FAM120C: variants seen among roughly 807,000 people sequenced by gnomAD.
The protein encoded by FAM120C is constitutive coactivator of PPAR-gamma-like protein 2.
A neutral mutation model predicts 71.2 loss-of-function variants in FAM120C; 14 were observed. That is an observed-to-expected ratio of 0.20 (90% confidence interval 0.13 to 0.31). FAM120C has a LOEUF of 0.31. Ranked by LOEUF, FAM120C falls within the 10% of genes least tolerant of loss-of-function variation. The probability of loss-of-function intolerance (pLI) is 1.00; values close to 1 mark genes in which losing one functional copy is unlikely to be tolerated. For missense variants in FAM120C, 500 were observed against 879.0 expected (o/e 0.57, Z 5.45); for synonymous variants, 354 against 353.2 (o/e 1.00, Z -0.03).
At chrX:54,088,807 G>C (rs2066808997) in intron 11 of FAM120C, among the ~76,000 whole-genome samples, 1 of 109,865 alleles carries the variant, frequency 9.1e-6, no homozygotes, top group African/African-American at 3.3e-5. Context: ...CCAGTATTTT[G>C]GGAGGCTGAG....
chrX:54,113,489 A>G (rs1307221317), intron 10 of FAM120C, among the ~76,000 whole-genome samples: 1 of 111,046 alleles, frequency 9.0e-6, no homozygotes, highest in Non-Finnish European at 1.9e-5. Flanking sequence ...CAAATGCAAC[A>G]AAAACAAAAA....
In FAM120C at chrX:54,183,057, C is replaced by T. The variant is rs1019185220; in HGVS notation, c.142G>A (p.Ala48Thr). The change falls in exon 1 of 16, where the codon GCC (alanine) becomes ACC (threonine). Residue 48 changes from alanine to threonine, a missense_variant. By Grantham distance (58) the Ala-to-Thr change is moderately conservative. Around this residue, in one of 11 missense-constraint regions of FAM120C, gnomAD observed 79 missense variants for 78.3 expected, o/e 1.01. Coordinates refer to ENST00000375180, the MANE Select transcript of FAM120C (RefSeq NM_017848.6). ...HLHRQLPPTA[A>T]LAPGAPRAAR... ...GCGCGTGGAGCCCCGGGCGCTAGGGCTGCAGTCGGCGGCAGCTGGCGGTGC... is the reference window on the plus strand; with the variant it reads ...GCGCGTGGAGCCCCGGGCGCTAGGGTTGCAGTCGGCGGCAGCTGGCGGTGC... 18 of 1,156,227 alleles carry T rather than the reference C, an allele frequency of 1.6e-5. No homozygotes were observed. The African/African-American group carries it at 2.0e-4, about 13-fold the overall frequency.
chrX:54,144,930 A>G (rs1206374536), intron 4 of FAM120C, among the ~76,000 whole-genome samples: 1 of 111,987 alleles, frequency 8.9e-6, no homozygotes, highest in South Asian at 3.7e-4. Flanking sequence ...ACAAGGCTAC[A>G]GTAACCAAAA....
Position 54,071,612 on chromosome X carries a change from C to A in FAM120C, c.*1421G>T, listed in dbSNP as rs948626943. 1.8e-5 allele frequency: 2 copies of A among 111,949 alleles called. No homozygotes were observed. Among genetic ancestry groups the A allele is most frequent in the Non-Finnish European group, 3.8e-5 (2 of 53,154 alleles). 9.2% of individuals were successfully genotyped at this position (111,949 alleles called of 1,213,427 possible). A position where few individuals can be genotyped will look rare whatever the true frequency, so the allele number is the denominator to read the frequency against. ...CTTTCAAATGGTAGTCACCTCCCAT[C>A]CCCCCTTTTCTCTCCAAACCTTCAT... On this transcript the variant is annotated 3_prime_UTR_variant, in exon 16 of 16. Coordinates refer to ENST00000375180, the MANE Select transcript of FAM120C (RefSeq NM_017848.6).
chrX:54,110,011 C>CTTTTTTTTTTTTTTTTTTTTTTTTTT (rs782078837), intron 10 of FAM120C, among the ~76,000 whole-genome samples: 1 of 61,436 alleles, frequency 1.6e-5, no homozygotes, highest in Non-Finnish European at 2.7e-5. Context: ...AGAAAAATAT[C>CTTTTTTTTTTTTTTTTTTTTTTTTTT]TTTTTTTTTT....
intron 2 of FAM120C, among the ~76,000 whole-genome samples, chrX:54,159,063 A>C (rs1397871925): frequency 1.8e-5 from 2 of 112,029 alleles, no homozygotes; most frequent in Non-Finnish European, 3.8e-5. Context: ...TCTCGGCCTA[A>C]TAAAACATTT....
In FAM120C at chrX:54,168,442, C is replaced by G. The variant is rs2067271350; in HGVS notation, c.700-8826G>C. 2.7e-5 allele frequency among the ~76,000 whole-genome samples: 3 copies of G among 112,046 alleles called. No homozygotes were observed. The South Asian group carries it at 1.1e-3, about 42-fold the overall frequency. On this transcript the variant is annotated intron_variant, in intron 1 of 15. Transcript: ENST00000375180. The stretch of plus-strand genomic sequence containing the variant: ...GAGCCACTGCACCTGGCCTGGTGTT[C>G]CTAACTTTCTCTTCAACCTGAGCTC...
rs148940441 is a variant in FAM120C at position 54,127,316 on chromosome X, G to A, written c.2062+5376C>T. 7.2e-4 allele frequency among the ~76,000 whole-genome samples: 79 copies of A among 110,185 alleles called. 1 individual carries two copies. The East Asian group carries it at 0.022, about 31-fold the overall frequency. Reference sequence around the variant, plus strand: ...TCTTTTTAAGAGATGAGATGGCCGGGTGCAGTGGCTCACACCTGTAATCCC... The same window carrying A: ...TCTTTTTAAGAGATGAGATGGCCGGATGCAGTGGCTCACACCTGTAATCCC... On this transcript the variant is annotated intron_variant, in intron 9 of 15. Coordinates refer to ENST00000375180, the MANE Select transcript of FAM120C (RefSeq NM_017848.6).
At chrX:54,087,623 T>C (rs2066801555) in intron 12 of FAM120C, 132 bp downstream of exon 12, 4 of 578,786 alleles carry the variant, frequency 6.9e-6, no homozygotes, top group Non-Finnish European at 8.3e-6. Flanking sequence ...GTTGACTGAG[T>C]CAGGTTAAAG....
chrX:54,103,949 C>A (rs2066894196), intron 10 of FAM120C, among the ~76,000 whole-genome samples: 1 of 111,599 alleles, frequency 9.0e-6, no homozygotes, highest in Non-Finnish European at 1.9e-5. Context: ...ATGGTTAATC[C>A]AAATATCTTG....
At chrX:54,173,412 C>A (rs1162229085) in intron 1 of FAM120C, among the ~76,000 whole-genome samples, 1 of 111,792 alleles carries the variant, frequency 8.9e-6, no homozygotes, top group Non-Finnish European at 1.9e-5. Context: ...CCACGCCCGG[C>A]TAATTTTGTA....
At chrX:54,110,644 G>A (rs1424325102) in intron 10 of FAM120C, among the ~76,000 whole-genome samples, 2 of 111,259 alleles carry the variant, frequency 1.8e-5, no homozygotes, top group African/African-American at 6.5e-5. Context: ...GGCTGGGCAT[G>A]GTGGCTCATG....
At chrX:54,147,349 C>T (rs1483475634) in intron 4 of FAM120C, 6 of 110,810 alleles carry the variant, frequency 5.4e-5, no homozygotes, top group Non-Finnish European at 7.6e-5. Flanking sequence ...ATAAGAAAAA[C>T]AGAAAGTAGA....
At chrX:54,169,690 T>G (rs2067277620) in intron 1 of FAM120C, among the ~76,000 whole-genome samples, 1 of 111,959 alleles carries the variant, frequency 8.9e-6, no homozygotes, top group Non-Finnish European at 1.9e-5. Context: ...TCAGAGATAG[T>G]AAGGAAGTAT....
intron 11 of FAM120C, among the ~76,000 whole-genome samples, chrX:54,090,958 A>G (rs1284565142): frequency 9.0e-6 from 1 of 111,256 alleles, no homozygotes; most frequent in Admixed American, 9.7e-5. Flanking sequence ...TTAATACTCA[A>G]TACATATCAC....
intron 15 of FAM120C, among the ~76,000 whole-genome samples, chrX:54,076,470 C>T (rs782820016): frequency 7.2e-5 from 8 of 111,204 alleles, no homozygotes; most frequent in Non-Finnish European, 1.3e-4. Context: ...TCATACTCTT[C>T]TTTTTCTGTC....
At chrX:54,156,795 G>A (rs1181986409) in intron 3 of FAM120C, among the ~76,000 whole-genome samples, 1 of 105,222 alleles carries the variant, frequency 9.5e-6, no homozygotes, top group Non-Finnish European at 1.9e-5. Context: ...GCTGAGACAG[G>A]AGAATTGCCT....
intron 4 of FAM120C, among the ~76,000 whole-genome samples, chrX:54,146,342 A>C (rs962927094): frequency 4.2e-4 from 47 of 111,701 alleles, no homozygotes; most frequent in Non-Finnish European, 7.7e-4. Flanking sequence ...AAAAAATAAA[A>C]TTTATACGGA....
At chrX:54,164,179 G>A (rs782807702) in intron 1 of FAM120C, among the ~76,000 whole-genome samples, 23 of 111,437 alleles carry the variant, frequency 2.1e-4, no homozygotes, top group African/African-American at 6.5e-4. Context: ...TGATCCACCC[G>A]CCTCAGCCTC....
Sources: allele counts gnomAD v4.1 joint callset (sites outside exome capture counted in the v4.1 genomes callset), GRCh38; gene constraint gnomAD v4.1.1; regional missense constraint gnomAD v4.1.1; transcripts MANE v1.5; gene names NCBI Gene and HGNC (gene_info 2026-07-23, HGNC 2026-07-21).